MORN3: variants seen among roughly 807,000 people sequenced by gnomAD.
MORN3 encodes the protein MORN repeat-containing protein 3.
In MORN3, 38 loss-of-function variants were observed where a neutral mutation model predicts 34.7. That is an observed-to-expected ratio of 1.10 (90% confidence interval 0.85 to 1.44). The LOEUF (loss-of-function observed/expected upper bound fraction) is 1.44, where lower values mean the gene tolerates loss of function less well. MORN3 is among the 40% of genes most tolerant of loss of function. The probability of loss-of-function intolerance (pLI) is 0.00; values close to 1 mark genes in which losing one functional copy is unlikely to be tolerated. For missense variants in MORN3, 311 were observed against 321.7 expected, an observed-to-expected ratio of 0.97 and a Z score of 0.25; for synonymous variants, 109 against 115.3, an observed-to-expected ratio of 0.95 and a Z score of 0.35.
chr12:121,660,685 T>G (rs1271013971), intron 1 of MORN3, among the ~76,000 whole-genome samples: 1 of 148,782 alleles, frequency 6.7e-6, no homozygotes, highest in Non-Finnish European at 1.5e-5. Context: ...TTTTTTTTTT[T>G]AAGACGGAGT....
chr12:121,665,494 G>A (rs1893724871), intron 1 of MORN3, among the ~76,000 whole-genome samples: 1 of 150,950 alleles, frequency 6.6e-6, no homozygotes, highest in African/African-American at 2.4e-5. Flanking sequence ...TTGGCCGGGC[G>A]CGGTGGCTCA....
chr12:121,652,217 T>C (rs77793629), intron 5 of MORN3, among the ~76,000 whole-genome samples: 4,472 of 151,306 alleles, frequency 0.03, 175 homozygotes, highest in East Asian at 0.11. Context: ...TACAGGATTA[T>C]AGGATTACTG....
Position 121,651,319 on chromosome 12 carries a change from C to T in MORN3, c.*332G>A, listed in dbSNP as rs1372017736. 2.0e-5 allele frequency: 3 copies of T among 152,302 alleles called. No individual in the cohort carries two copies. The highest frequency in any genetic ancestry group is 7.2e-5 in the African/African-American group (3 of 41,432). The allele number at this position is 152,302 out of a possible 1,614,324, so 9.4% of individuals were successfully genotyped here. On this transcript the variant is annotated 3_prime_UTR_variant, in exon 6 of 6. Coordinates refer to ENST00000355329, the MANE Select transcript of MORN3 (RefSeq NM_173855.5). ...GGCAGCCCAGCCAAGGCAGGTCTTC[C>T]CTCTTCTAAACCTGAAAGCCCTGCT... is the stretch of plus-strand genomic sequence containing the variant.
Position 121,659,176 on chromosome 12 carries a change from G to C in MORN3, c.303+15C>G. Reference sequence around the variant, plus strand: ...ACACACACACACACACACCCCGGCTGGCAGGCCTGCTCACCGATTTCTTAT... The same window carrying C: ...ACACACACACACACACACCCCGGCTCGCAGGCCTGCTCACCGATTTCTTAT... On this transcript the variant is annotated intron_variant, in intron 2 of 5. Coordinates refer to ENST00000355329, the MANE Select transcript of MORN3 (RefSeq NM_173855.5). 6.2e-7 allele frequency: 1 copy of C among 1,602,152 alleles called. No homozygotes were observed. Among genetic ancestry groups the C allele is most frequent in the Non-Finnish European group, 8.5e-7 (1 of 1,172,636 alleles).
At chr12:121,671,112 C>T (rs1022393426), upstream of MORN3, among the ~76,000 whole-genome samples, 1 of 86,804 alleles carries the variant, frequency 1.2e-5, no homozygotes, top group African/African-American at 4.8e-5. Flanking sequence ...GACTCTGTCT[C>T]AAAAAAAAAA....
chr12:121,659,391 G>C, intron 1 of MORN3, 43 bp from the exon 2 acceptor site: 3 of 1,604,066 alleles, frequency 1.9e-6, no homozygotes, highest in South Asian at 2.2e-5. Flanking sequence ...ATGGCCGCCG[G>C]GGGGTGGGGG....
intron 1 of MORN3, among the ~76,000 whole-genome samples, chr12:121,668,145 C>G (rs1227755756): frequency 2.0e-5 from 3 of 149,774 alleles, no homozygotes; most frequent in African/African-American, 7.3e-5. Context: ...GCTGGGATTA[C>G]AGATGTGAGC....
At chr12:121,668,807 A>C (rs1256847411) in intron 1 of MORN3, among the ~76,000 whole-genome samples, 2 of 151,882 alleles carry the variant, frequency 1.3e-5, no homozygotes, top group Admixed American at 6.6e-5. Flanking sequence ...TTTTTTCTTT[A>C]TTTTTTTCCC....
At chr12:121,664,759 G>T (rs1172369296) in intron 1 of MORN3, among the ~76,000 whole-genome samples, 1 of 151,610 alleles carries the variant, frequency 6.6e-6, no homozygotes, top group Admixed American at 6.6e-5. Flanking sequence ...CCCGAACCTT[G>T]GGGATTTAGA....
At chr12:121,660,395 A>T (rs534014862) in intron 1 of MORN3, among the ~76,000 whole-genome samples, 2 of 124,918 alleles carry the variant, frequency 1.6e-5, no homozygotes, top group Admixed American at 1.9e-4. Flanking sequence ...TGTGTTGCCC[A>T]GGCTGAAGTG....
At position 121,652,767 on chromosome 12, in the gene MORN3, C is replaced by T. The variant is rs139738994; in HGVS notation, c.690G>A (p.Leu230=). Residue 230 remains leucine, a synonymous_variant, in exon 5 of 6, where the codon TTG becomes TTA. Transcript: ENST00000355329. ...LDPDGVLAEA[L]AMFRKTEEGD is the part of the protein sequence containing the mutation. Reference sequence around the variant, plus strand: ...CTTCCTCTGTCTTCCTGAACATGGCCAAGGCCTCCGCCAGCACACCATCAG... The same window carrying T: ...CTTCCTCTGTCTTCCTGAACATGGCTAAGGCCTCCGCCAGCACACCATCAG... 892 of 1,614,210 alleles carry T rather than the reference C, an allele frequency of 5.5e-4. 5 individuals carry two copies. In the East Asian group the frequency reaches 0.017, roughly 31 times the overall value.
chr12:121,671,868 G>A (rs1272741665), upstream of MORN3, among the ~76,000 whole-genome samples: 73 of 137,774 alleles, frequency 5.3e-4, no homozygotes, highest in African/African-American at 2.0e-3. Flanking sequence ...CAAAAAGAGT[G>A]AAACTCCGTC....
chr12:121,665,278 CTTTTTTTTTTTT>C (rs767525874), intron 1 of MORN3, among the ~76,000 whole-genome samples: 18 of 50,666 alleles, frequency 3.6e-4, no homozygotes, highest in Admixed American at 7.3e-4. Flanking sequence ...TTTTTCTTTC[CTTTTTTTTTTTT>C]TTTTTTTTTT....
intron 1 of MORN3, among the ~76,000 whole-genome samples, chr12:121,664,892 C>T (rs1392501081): frequency 7.5e-6 from 1 of 134,188 alleles, no homozygotes; most frequent in Middle Eastern, 4.1e-3. Context: ...AAAAAAGACA[C>T]TGATGGATGC....
chr12:121,669,328 G>T lies in MORN3; in HGVS notation c.145+11C>A, dbSNP rs1893875067. 1 of 1,612,712 alleles carries T rather than the reference G, an allele frequency of 6.2e-7. No individual in the cohort carries two copies. Among genetic ancestry groups the T allele is most frequent in the Admixed American group, 1.7e-5 (1 of 59,964 alleles). Reference sequence around the variant, plus strand: ...CCCCACTCCGGCCGCCCGTCCCGGAGTCCCACTCACCGTGTTTCACGTTGT... The same window carrying T: ...CCCCACTCCGGCCGCCCGTCCCGGATTCCCACTCACCGTGTTTCACGTTGT... On this transcript the variant is annotated intron_variant, in intron 1 of 5. Transcript: ENST00000355329.
At position 121,664,557 on chromosome 12, in the gene MORN3, G is replaced by A. The variant is rs1360184052; in HGVS notation, c.145+4782C>T. ...GCGGATCACTTGAGGTCGGGAGTTC[G>A]AGACCAGCCTGGCCAACATGGCGAA... On this transcript the variant is annotated intron_variant, in intron 1 of 5. Transcript: ENST00000355329. Among the ~76,000 whole-genome samples, 7 of 152,166 alleles carry A rather than the reference G, an allele frequency of 4.6e-5. No homozygotes were observed. The East Asian group carries it at 7.7e-4, about 17-fold the overall frequency.
intron 1 of MORN3, among the ~76,000 whole-genome samples, chr12:121,666,701 C>A (rs1189892437): frequency 1.3e-5 from 2 of 151,974 alleles, no homozygotes; most frequent in African/African-American, 2.4e-5. Flanking sequence ...TAATAATTTG[C>A]TTTTATGGGG....
chr12:121,672,610 C>T (rs919421094), upstream of MORN3: 1 of 152,538 alleles, frequency 6.6e-6, no homozygotes, highest in African/African-American at 2.4e-5. Flanking sequence ...CCTCAATGTC[C>T]GTCAGCTGCG....
chr12:121,655,051 A>C (rs879977438), intron 2 of MORN3, among the ~76,000 whole-genome samples: 2 of 151,952 alleles, frequency 1.3e-5, no homozygotes, highest in African/African-American at 2.4e-5. Context: ...ACAGCGCCGG[A>C]GGACTCTTTA....
Sources: allele counts gnomAD v4.1 joint callset (sites outside exome capture counted in the v4.1 genomes callset), GRCh38; gene constraint gnomAD v4.1.1; transcripts MANE v1.5; gene names NCBI Gene and HGNC (gene_info 2026-07-23, HGNC 2026-07-21).